FCRL5: variants seen among roughly 807,000 people sequenced by gnomAD.
FCRL5 encodes Fc receptor like 5, also known as Fc receptor-like protein 5.
Under a neutral mutation model 92.1 loss-of-function variants are expected in FCRL5, and 79 were observed. That is an observed-to-expected ratio of 0.86 (90% CI 0.72 to 1.03). The LOEUF is 1.03. Among genes scored for constraint, FCRL5 ranks in the 50% least tolerant of loss-of-function variants. The pLI is 0.00. For missense variants in FCRL5, 1,160 were observed against 1,181.1 expected (o/e 0.98, Z 0.26); for synonymous variants, 466 against 469.3 (o/e 0.99, Z 0.09).
chr1:157,528,718 C>T (rs1465672206), intron 8 of FCRL5: 1 of 152,152 alleles, frequency 6.6e-6, no homozygotes, highest in Non-Finnish European at 1.5e-5. Flanking sequence ...GGAAAGAACA[C>T]CCTATGCAAC....
At chr1:157,549,471 C>G (rs1444828773) in intron 2 of FCRL5, 89 bp downstream of exon 2, 136 of 1,217,180 alleles carry the variant, frequency 1.1e-4, no homozygotes, top group Non-Finnish European at 6.0e-5. Flanking sequence ...TATTGGAGAT[C>G]TCAGGCAGCC....
At chr1:157,524,217 C>G (rs559696002) in intron 10 of FCRL5, 62 bp downstream of exon 10, 3 of 1,580,628 alleles carry the variant, frequency 1.9e-6, no homozygotes, top group Admixed American at 1.7e-5. Flanking sequence ...CCATTTTCAG[C>G]TGCAGGGAGA....
chr1:157,535,943 G>GTCTTTTTTTTTT (rs1650947449), intron 7 of FCRL5, among the ~76,000 whole-genome samples: 15 of 90,034 alleles, frequency 1.7e-4, no homozygotes, highest in Admixed American at 4.7e-4. Context: ...ATGTGACTCA[G>GTCTTTTTTTTTT]TTTTTTTTTT....
At chr1:157,549,453 A>G in intron 2 of FCRL5, 107 bp downstream of exon 2, 1 of 1,025,096 alleles carries the variant, frequency 9.8e-7, no homozygotes, top group Non-Finnish European at 1.5e-6. Flanking sequence ...AGGAAAGAAA[A>G]CAGGAGATAT....
intron 3 of FCRL5, among the ~76,000 whole-genome samples, chr1:157,545,921 G>T (rs1651514052): frequency 6.6e-6 from 1 of 152,180 alleles, no homozygotes; most frequent in African/African-American, 2.4e-5. Context: ...GAGACGGATT[G>T]TTAAGTCAAA....
chr1:157,545,344 G>A (rs1651482070), intron 3 of FCRL5, among the ~76,000 whole-genome samples: 1 of 151,944 alleles, frequency 6.6e-6, no homozygotes, highest in Non-Finnish European at 1.5e-5. Flanking sequence ...CCACTTTCAA[G>A]TACTTGGAGC....
Position 157,534,633 on chromosome 1 carries a change from C to G in FCRL5, c.1662G>C (p.Val554=), listed in dbSNP as rs760307147. Residue 554 remains valine, a synonymous_variant, in exon 8 of 17, where the codon GTG becomes GTC. Coordinates refer to ENST00000361835, the MANE Select transcript of FCRL5 (RefSeq NM_031281.3). The stretch of plus-strand genomic sequence containing the variant: ...ACTTACCAGTGACAAAAAGGCTCAC[C>G]ACTTCACTGCGCTGGGGACCAAAGC... ...DNGFGPQRSE[V]VSLFVTVPVS... 1.1e-5 allele frequency: 17 copies of G among 1,614,070 alleles called. No individual in the cohort carries two copies. In the East Asian group the frequency reaches 3.1e-4, roughly 30 times the overall value.
rs781141847 is a variant in FCRL5 at position 157,542,824 on chromosome 1, C to T, written c.1123+35G>A. On this transcript the variant is annotated intron_variant, in intron 6 of 16. Coordinates refer to ENST00000361835, the MANE Select transcript of FCRL5 (RefSeq NM_031281.3). ...GGCAGGGTGAGGCAGGACTCTTGGC[C>T]AGGGGTGGGTGATTGGCAGGAATGC... 3.9e-5 allele frequency: 62 copies of T among 1,592,466 alleles called. No homozygotes were observed. The East Asian group carries it at 1.2e-3, about 31-fold the overall frequency.
rs752334190 is a variant in FCRL5, at chr1:157,515,877, T to G, written c.2813-4A>C. 2.5e-6 allele frequency: 4 copies of G among 1,613,626 alleles called. No individual in the cohort carries two copies. The highest frequency in any genetic ancestry group is 2.5e-6 in the Non-Finnish European group (3 of 1,179,978). ...AGATGCCTGGGGTCAGAGGCCACTG[T>G]GGAAAGAGGAAAGTGTTCAGTTGTG... On this transcript the variant is annotated splice_polypyrimidine_tract_variant and splice_region_variant and intron_variant, in intron 15 of 16. Transcript: ENST00000361835.
chr1:157,535,945 T>A (rs1337802692), intron 7 of FCRL5, among the ~76,000 whole-genome samples: 8 of 134,900 alleles, frequency 5.9e-5, no homozygotes, highest in Non-Finnish European at 1.3e-4. Context: ...GTGACTCAGT[T>A]TTTTTTTTTT....
intron 10 of FCRL5, chr1:157,523,951 CA>C: frequency 2.5e-6 from 1 of 404,412 alleles, no homozygotes; most frequent in Non-Finnish European, 4.4e-6. Context: ...CTTTCTACGG[CA>C]GAGAAACATA....
Position 157,544,401 on chromosome 1 carries a change from C to G in FCRL5, c.705G>C (p.Leu235=). Residue 235 remains leucine (L), a synonymous_variant, in exon 5 of 17, where the codon CTG becomes CTC. Coordinates refer to ENST00000361835, the MANE Select transcript of FCRL5 (RefSeq NM_031281.3). ...RFRFFRDDQT[L]GLGWSLSPNF... The stretch of plus-strand genomic sequence containing the variant: ...TCGGGGAGAGACTCCAGCCTAATCC[C>G]AGGGTCTGGTCATCTCTGAAGAAGC... The G allele has an allele frequency of 1.2e-6, 2 of 1,614,238 alleles. No individual in the cohort carries two copies. The highest frequency in any genetic ancestry group is 1.7e-6 in the Non-Finnish European group (2 of 1,180,052).
At chr1:157,524,620 G>C (rs1650352097) in intron 9 of FCRL5, 63 bp from the exon 10 acceptor site, 1 of 1,481,900 alleles carries the variant, frequency 6.7e-7, no homozygotes, top group African/African-American at 1.4e-5. Flanking sequence ...TCATGCTAAA[G>C]ACATTTCAAA....
At chr1:157,534,975 C>A in intron 7 of FCRL5, 83 bp from the exon 8 acceptor site, 2 of 1,340,922 alleles carry the variant, frequency 1.5e-6, no homozygotes, top group South Asian at 3.1e-5. Flanking sequence ...GATGCCCAGT[C>A]TCCAGTACAG....
At chr1:157,519,868 T>A in intron 12 of FCRL5, 98 bp from the exon 13 acceptor site, 1 of 1,273,664 alleles carries the variant, frequency 7.9e-7, no homozygotes, top group Non-Finnish European at 1.1e-6. Context: ...CAGGAGTTGC[T>A]GTCACTGAAG....
chr1:157,537,840 A>T (rs571422258), intron 7 of FCRL5, among the ~76,000 whole-genome samples: 1 of 152,228 alleles, frequency 6.6e-6, no homozygotes, highest in East Asian at 1.9e-4. Flanking sequence ...TATCATCTCA[A>T]ATTCCAAGAA....
intron 15 of FCRL5, among the ~76,000 whole-genome samples, chr1:157,516,546 T>C (rs12139354): frequency 0.011 from 1,688 of 152,364 alleles, 42 homozygotes; most frequent in East Asian, 0.091. Context: ...GCCATAGTTC[T>C]ATATAAGTGC....
rs373467000 is a variant in FCRL5 at position 157,544,449 on chromosome 1, C to A, written c.657G>T (p.Arg219Ser). ...LTCETQLSLERSDVPLRFRFF... is the reference protein window; with the variant it reads ...LTCETQLSLESSDVPLRFRFF... ...AGCGGAACCGGAGCGGGACATCTGA[C>A]CTCTCTAGAGAGAGCTGGGTCTCAC... The change falls in exon 5 of 17, where the codon AGG (arginine) becomes AGT (serine). Residue 219 changes from arginine (R) to serine (S), a missense_variant. Physicochemically the swap from Arg to Ser is moderately radical, Grantham distance 110. Transcript: ENST00000361835. 11 of 1,614,092 alleles carry A rather than the reference C, an allele frequency of 6.8e-6. No individual in the cohort carries two copies. Among genetic ancestry groups the A allele is most frequent in the Middle Eastern group, 1.6e-4 (1 of 6,082 alleles).
At chr1:157,539,775 C>A (rs189031536) in intron 6 of FCRL5, among the ~76,000 whole-genome samples, 38 of 152,312 alleles carry the variant, frequency 2.5e-4, no homozygotes, top group African/African-American at 8.7e-4. Context: ...TGCAGACTCA[C>A]TGGGCTAAAG....
Sources: gnomAD v4.1 joint callset for allele counts (sites outside exome capture counted in the v4.1 genomes callset) on GRCh38, gnomAD v4.1.1 for gene constraint, MANE v1.5 for transcripts, NCBI Gene and HGNC (gene_info 2026-07-23, HGNC 2026-07-21) for gene names.